GALNTL6: variants seen among roughly 807,000 people sequenced by gnomAD.
GALNTL6 encodes the protein polypeptide N-acetylgalactosaminyltransferase-like 6.
A neutral mutation model predicts 73.7 loss-of-function variants in GALNTL6; 46 were observed. That is an observed-to-expected ratio of 0.62 (90% confidence interval 0.49 to 0.80). GALNTL6 has a LOEUF of 0.80. GALNTL6 is among the 30% of genes least tolerant of loss of function. GALNTL6 has a pLI of 0.00. For synonymous variants in GALNTL6, 259 were observed against 263.7 expected (o/e 0.98, Z 0.17); for missense variants, 604 against 755.0 (o/e 0.80, Z 2.34).
rs74376047 is a variant in GALNTL6 at position 172,851,388 on chromosome 4, G to C, written c.924-31402G>C. 1.4e-3 allele frequency among the ~76,000 whole-genome samples: 205 copies of C among 150,568 alleles called. 7 individuals are homozygous for C. In the East Asian group the frequency reaches 0.034, roughly 25 times the overall value. On this transcript the variant is annotated intron_variant, in intron 7 of 12. Transcript: ENST00000506823. ...AATCAGGGGCAGATTATATATATAT[G>C]TATGTATGTACTTACATATATATAT...
chr4:172,112,976 C>A (rs1012940113), intron 2 of GALNTL6, among the ~76,000 whole-genome samples: 5 of 151,822 alleles, frequency 3.3e-5, no homozygotes, highest in African/African-American at 1.2e-4. Context: ...TTATAAGCCA[C>A]CCAGTCTGTG....
chr4:172,074,536 T>C (rs1731645873), intron 2 of GALNTL6, among the ~76,000 whole-genome samples: 1 of 144,790 alleles, frequency 6.9e-6, no homozygotes, highest in African/African-American at 2.6e-5. Context: ...CTCAGTCATA[T>C]GCATGCTTTA....
At chr4:172,563,725 A>G (rs1736461006) in intron 5 of GALNTL6, among the ~76,000 whole-genome samples, 1 of 152,226 alleles carries the variant, frequency 6.6e-6, no homozygotes, top group South Asian at 2.1e-4. Flanking sequence ...TTCAAAGAAA[A>G]TATAACTTAT....
chr4:171,961,967 G>T (rs1739231671), intron 2 of GALNTL6, among the ~76,000 whole-genome samples: 1 of 152,140 alleles, frequency 6.6e-6, no homozygotes, highest in Non-Finnish European at 1.5e-5. Flanking sequence ...TGAAAGATAA[G>T]CTTACTCAAT....
At chr4:172,482,578 TA>T (rs1352854038) in intron 5 of GALNTL6, among the ~76,000 whole-genome samples, 1 of 152,256 alleles carries the variant, frequency 6.6e-6, no homozygotes, top group Admixed American at 6.5e-5. Context: ...ACAACGCAAG[TA>T]AAAACAATTA....
In GALNTL6 at chr4:172,952,067, G is replaced by C. The variant is rs762849391; in HGVS notation, c.1180G>C (p.Asp394His). 1.2e-6 allele frequency: 2 copies of C among 1,614,048 alleles called. No individual in the cohort carries two copies. Among genetic ancestry groups the C allele is most frequent in the African/African-American group, 2.7e-5 (2 of 75,008 alleles). ...NLKRVAETWM[D>H]EFAEYIYQRR... The stretch of plus-strand genomic sequence containing the variant: ...GAAGCGGGTAGCTGAGACCTGGATG[G>C]ATGAATTTGCCGAGTACATTTACCA... The change falls in exon 10 of 13, where the codon GAT (aspartate) becomes CAT (histidine). Residue 394 changes from aspartate to histidine, a missense_variant. Asp to His is a moderately conservative substitution (Grantham distance 81). Transcript: ENST00000506823.
intron 2 of GALNTL6, among the ~76,000 whole-genome samples, chr4:172,020,780 G>A (rs1014883886): frequency 6.6e-6 from 1 of 151,876 alleles, no homozygotes; most frequent in Non-Finnish European, 1.5e-5. Context: ...AAATAAGGGT[G>A]GAGGAAATAC....
intron 5 of GALNTL6, among the ~76,000 whole-genome samples, chr4:172,742,405 A>G (rs2083137): frequency 0.36 from 53,759 of 150,540 alleles, 10,623 homozygotes; most frequent in African/African-American, 0.52. Context: ...CCAGCCTGTA[A>G]AGTACCTCTC....
At chr4:172,765,215 A>T (rs1385691826) in intron 5 of GALNTL6, among the ~76,000 whole-genome samples, 1 of 152,220 alleles carries the variant, frequency 6.6e-6, no homozygotes, top group Non-Finnish European at 1.5e-5. Flanking sequence ...TTTGTATTAC[A>T]TGGAGAATGC....
At chr4:172,286,583 T>C (rs919401255) in intron 3 of GALNTL6, among the ~76,000 whole-genome samples, 1 of 152,178 alleles carries the variant, frequency 6.6e-6, no homozygotes, top group Non-Finnish European at 1.5e-5. Context: ...GGGCTAATGA[T>C]TTTGGAGAAA....
At chr4:172,133,179 AC>A (rs1733546341) in intron 2 of GALNTL6, among the ~76,000 whole-genome samples, 1 of 152,208 alleles carries the variant, frequency 6.6e-6, no homozygotes, top group Admixed American at 6.5e-5. Flanking sequence ...GCACAGCAAC[AC>A]ATACAAATAT....
intron 3 of GALNTL6, among the ~76,000 whole-genome samples, chr4:172,272,496 A>G (rs557133475): frequency 1.4e-3 from 206 of 152,318 alleles, no homozygotes; most frequent in Non-Finnish European, 1.8e-3. Context: ...GTAGGCAACT[A>G]TAACATGATG....
At chr4:172,629,220 C>T (rs903642933) in intron 5 of GALNTL6, among the ~76,000 whole-genome samples, 1 of 152,068 alleles carries the variant, frequency 6.6e-6, no homozygotes, top group Admixed American at 6.6e-5. Flanking sequence ...TCAAGAGGAA[C>T]AAATTGTTCA....
Position 172,511,368 on chromosome 4 carries a change from A to G in GALNTL6, c.553+162679A>G, listed in dbSNP as rs1734444409. ...GGTTAATCTCACTAACGGTCTATCA[A>G]TTTGATTTATCTTTTCAAAGAACCA... On this transcript the variant is annotated intron_variant, in intron 5 of 12. Coordinates refer to ENST00000506823, the MANE Select transcript of GALNTL6 (RefSeq NM_001034845.3). Among the ~76,000 whole-genome samples the G allele has an allele frequency of 3.7e-5, 2 of 54,752 alleles. 1 individual carries two copies. Among genetic ancestry groups the G allele is most frequent in the Non-Finnish European group, 8.5e-5 (2 of 23,616 alleles). 35.9% of individuals were successfully genotyped at this position (54,752 alleles called of 152,430 possible). A position where few individuals can be genotyped will look rare whatever the true frequency, so the allele number is the denominator to read the frequency against.
chr4:172,214,168 T>C (rs1736419595), intron 2 of GALNTL6, among the ~76,000 whole-genome samples: 1 of 152,230 alleles, frequency 6.6e-6, no homozygotes. Flanking sequence ...GTGTCTATTC[T>C]TGTGACAATA....
At chr4:172,469,453 A>AT (rs1732963446) in intron 5 of GALNTL6, among the ~76,000 whole-genome samples, 1 of 151,726 alleles carries the variant, frequency 6.6e-6, no homozygotes, top group Admixed American at 6.6e-5. Context: ...AAAAAATAAA[A>AT]AAAAAAAATA....
chr4:172,884,242 T>C (rs1334940018), intron 8 of GALNTL6, among the ~76,000 whole-genome samples: 2 of 152,208 alleles, frequency 1.3e-5, no homozygotes, highest in African/African-American at 2.4e-5. Flanking sequence ...ACCAACAGTG[T>C]AGGAGCATTC....
chr4:172,281,267 C>T (rs1344785814), intron 3 of GALNTL6, among the ~76,000 whole-genome samples: 1 of 152,204 alleles, frequency 6.6e-6, no homozygotes, highest in Non-Finnish European at 1.5e-5. Context: ...TCTGAAGGCT[C>T]TAGAGGAAAA....
chr4:172,193,169 C>G (rs1239487638), intron 2 of GALNTL6, among the ~76,000 whole-genome samples: 1 of 152,226 alleles, frequency 6.6e-6, no homozygotes, highest in Non-Finnish European at 1.5e-5. Context: ...CAATGGGCAG[C>G]CAGAGTGCTT....
Sources: gnomAD v4.1 joint callset for allele counts (sites outside exome capture counted in the v4.1 genomes callset) on GRCh38, gnomAD v4.1.1 for gene constraint, MANE v1.5 for transcripts, NCBI Gene and HGNC (gene_info 2026-07-23, HGNC 2026-07-21) for gene names.